PUM3: variants seen among roughly 807,000 people sequenced by gnomAD.
PUM3 encodes the protein pumilio RNA binding family member 3.
In PUM3, 91 loss-of-function variants were observed where a neutral mutation model predicts 84.0. The observed-to-expected ratio is 1.08, with a 90% CI of 0.91 to 1.29. PUM3 has a LOEUF of 1.29. PUM3 is among the 50% of genes most tolerant of loss of function. The pLI, the probability that PUM3 is intolerant of heterozygous loss-of-function variation, is 0.00. For synonymous variants in PUM3, 321 were observed against 266.7 expected (o/e 1.20, Z -1.98); for missense variants, 1,067 against 767.5 (o/e 1.39, Z -4.61).
At chr9:2,810,927 G>A (rs1255167091) in intron 15 of PUM3, among the ~76,000 whole-genome samples, 2 of 152,136 alleles carry the variant, frequency 1.3e-5, no homozygotes, top group African/African-American at 2.4e-5. Context: ...GCAATACCAA[G>A]CGTTCCCAGT....
Position 2,812,200 on chromosome 9 carries a change from G to A in PUM3, c.1412+20C>T, listed in dbSNP as rs148271147. ...ATTAACAGAGGAATAAAGAAGTCAA[G>A]CCATTCTACTTGGTTTTACCTGTGT... On this transcript the variant is annotated intron_variant, in intron 14 of 17. Transcript: ENST00000397885. 1,336 of 1,608,248 alleles carry A rather than the reference G, an allele frequency of 8.3e-4. 9 individuals are homozygous for A. The African/African-American group carries it at 0.014, about 17-fold the overall frequency.
chr9:2,821,682 CT>C (rs1188980831), intron 12 of PUM3, among the ~76,000 whole-genome samples: 1 of 152,076 alleles, frequency 6.6e-6, no homozygotes, highest in African/African-American at 2.4e-5. Context: ...GGTTCAACTT[CT>C]TTGAAGAGCA....
intron 5 of PUM3, among the ~76,000 whole-genome samples, chr9:2,832,826 T>A (rs1295274230): frequency 3.9e-5 from 6 of 152,202 alleles, no homozygotes; most frequent in African/African-American, 1.4e-4. Flanking sequence ...TCCAAGCCAT[T>A]ATGTATTAAT....
At chr9:2,814,623 G>C (rs1307986710) in intron 13 of PUM3, among the ~76,000 whole-genome samples, 1 of 152,168 alleles carries the variant, frequency 6.6e-6, no homozygotes, top group Non-Finnish European at 1.5e-5. Context: ...ACACATAAGA[G>C]AGGACAAATG....
chr9:2,806,739 C>T (rs1031125094), intron 17 of PUM3, among the ~76,000 whole-genome samples: 2 of 152,214 alleles, frequency 1.3e-5, no homozygotes, highest in African/African-American at 4.8e-5. Flanking sequence ...TAGCTCATCA[C>T]TGTTTTTTTC....
chr9:2,810,721 A>T (rs1821349598), intron 15 of PUM3, among the ~76,000 whole-genome samples: 1 of 152,214 alleles, frequency 6.6e-6, no homozygotes, highest in Non-Finnish European at 1.5e-5. Context: ...CACAAGGCTC[A>T]TCTTAATGCT....
intron 16 of PUM3, among the ~76,000 whole-genome samples, chr9:2,808,759 C>T (rs1256062109): frequency 6.6e-6 from 1 of 152,144 alleles, no homozygotes; most frequent in Non-Finnish European, 1.5e-5. Flanking sequence ...TATCTCCTGT[C>T]CTGTGTGCTC....
intron 3 of PUM3, among the ~76,000 whole-genome samples, chr9:2,834,667 G>T (rs1302759362): frequency 6.6e-6 from 1 of 152,024 alleles, no homozygotes. Flanking sequence ...TTCCATGGTG[G>T]GGAAAAAGAA....
At chr9:2,828,474 T>C (rs1006164230) in intron 9 of PUM3, 47 of 484,652 alleles carry the variant, frequency 9.7e-5, no homozygotes, top group African/African-American at 8.7e-4. Flanking sequence ...ATGTTAGTTA[T>C]CATTTTATAG....
rs1023937177 is a variant in PUM3 at position 2,833,974 on chromosome 9, C to T, written c.440+57G>A. On this transcript the variant is annotated intron_variant, in intron 4 of 17. Transcript: ENST00000397885. The stretch of plus-strand genomic sequence containing the variant: ...AGGACATCTCACTATTTACAAGGTA[C>T]ACTGACTTCTCCACTGTTGCAAAGG... The T allele has an allele frequency of 3.8e-6, 6 of 1,564,322 alleles. No individual in the cohort carries two copies. In the African/African-American group the frequency reaches 6.8e-5, roughly 18 times the overall value.
Position 2,810,298 on chromosome 9 carries a change from G to A in PUM3, c.1723+46C>T, listed in dbSNP as rs769840608. 2.4e-6 allele frequency: 3 copies of A among 1,272,906 alleles called. No individual in the cohort carries two copies. In the South Asian group the frequency reaches 3.6e-5, roughly 15 times the overall value. The allele number at this position is 1,272,906 out of a possible 1,614,324, so 78.9% of individuals were successfully genotyped here. On this transcript the variant is annotated intron_variant, in intron 16 of 17. Transcript: ENST00000397885. ...AAGTTCAGGGATGCCAGGAATTACT[G>A]GAATTCCACATGAGATACAAGAAAA...
intron 17 of PUM3, among the ~76,000 whole-genome samples, chr9:2,805,571 C>T (rs1821241570): frequency 6.6e-6 from 1 of 152,156 alleles, no homozygotes; most frequent in South Asian, 2.1e-4. Flanking sequence ...AACAATTCAG[C>T]TTGCCACCTA....
chr9:2,828,777 G>C lies in PUM3; in HGVS notation c.854C>G (p.Ser285Ter), dbSNP rs757273496. The C allele has an allele frequency of 6.5e-7, 1 of 1,542,904 alleles. No homozygotes were observed. The highest frequency in any genetic ancestry group is 1.1e-5 in the South Asian group (1 of 89,034). The change falls in exon 9 of 18, where the codon TCA becomes TGA. Residue 285 changes from serine (S) to a stop codon, truncating the protein, a stop_gained and splice_region_variant. Transcript: ENST00000397885. LOFTEE classifies it high-confidence loss of function. The part of the protein sequence containing the change: ...LYGNTFQLYK[S>*]ADHRTLDKVL... ...TTTGTCCAGAGTTCGGTGATCTGCT[G>C]ACTGCAACAAAACAAAACAATCAAA...
rs569253434 is a variant in PUM3 at position 2,813,903 on chromosome 9, C to A, written c.1270-1541G>T. ...GTCAAGCACTACTGAGAGCTGCACA[C>A]TGATCATCTAACGTAATCTTCTGAC... On this transcript the variant is annotated intron_variant, in intron 13 of 17. Coordinates refer to ENST00000397885, the MANE Select transcript of PUM3 (RefSeq NM_014878.5). Among the ~76,000 whole-genome samples the A allele has an allele frequency of 2.6e-5, 4 of 152,324 alleles. No homozygotes were observed. The East Asian group carries it at 7.7e-4, about 29-fold the overall frequency.
intron 13 of PUM3, among the ~76,000 whole-genome samples, chr9:2,817,546 CA>C (rs1452132805): frequency 8.5e-5 from 13 of 152,192 alleles, no homozygotes; most frequent in African/African-American, 3.1e-4. Flanking sequence ...CAGAAAAATA[CA>C]TGTAAGACAT....
In PUM3 at chr9:2,811,737, T is replaced by C. The variant is rs76909670; in HGVS notation, c.1413-154A>G. On this transcript the variant is annotated intron_variant, in intron 14 of 17. Coordinates refer to ENST00000397885, the MANE Select transcript of PUM3 (RefSeq NM_014878.5). ...TGTTAAGCATGTAGACAATAAGTGATACGAGTATGTGTTCTGTTTTTAAAA... is the reference window on the plus strand; with the variant it reads ...TGTTAAGCATGTAGACAATAAGTGACACGAGTATGTGTTCTGTTTTTAAAA... 9.6e-3 allele frequency among the ~76,000 whole-genome samples: 1,450 copies of C among 151,750 alleles called. 20 individuals are homozygous for C. The highest frequency in any genetic ancestry group is 0.033 in the African/African-American group (1,380 of 41,332).
At position 2,820,140 on chromosome 9, in the gene PUM3, T is replaced by C. The variant is rs755133397; in HGVS notation, c.1189-42A>G. Reference sequence around the variant, plus strand: ...CCAGCAAAGGTTAAAAACAAGTGCATAGATCTTCCCTCTTATTTCACACAT... The same window carrying C: ...CCAGCAAAGGTTAAAAACAAGTGCACAGATCTTCCCTCTTATTTCACACAT... On this transcript the variant is annotated intron_variant, in intron 12 of 17. Transcript: ENST00000397885. 4.9e-6 allele frequency: 6 copies of C among 1,229,282 alleles called. No individual in the cohort carries two copies. The East Asian group carries it at 1.2e-4, about 24-fold the overall frequency. 76.1% of individuals were successfully genotyped at this position (1,229,282 alleles called of 1,614,324 possible).
chr9:2,816,669 C>T (rs765903252), intron 13 of PUM3, among the ~76,000 whole-genome samples: 2 of 152,158 alleles, frequency 1.3e-5, no homozygotes, highest in Non-Finnish European at 2.9e-5. Flanking sequence ...TTGTCTCACA[C>T]CTGGCCTGGC....
intron 3 of PUM3, among the ~76,000 whole-genome samples, chr9:2,836,200 G>A (rs995259589): frequency 1.3e-5 from 2 of 152,090 alleles, no homozygotes; most frequent in Admixed American, 1.3e-4. Context: ...CCCTTAGGCA[G>A]GGTAAAAAGC....
Sources: allele counts gnomAD v4.1 joint callset (sites outside exome capture counted in the v4.1 genomes callset), GRCh38; gene constraint gnomAD v4.1.1; transcripts MANE v1.5; gene names NCBI Gene and HGNC (gene_info 2026-07-23, HGNC 2026-07-21).